Variants in DENND1A observed in about 807,000 individuals in gnomAD.
The protein encoded by DENND1A is DENN domain-containing protein 1A.
In DENND1A, 51 loss-of-function variants were observed where a neutral mutation model predicts 113.7. The ratio of observed to expected loss-of-function variants is 0.45; its 90% CI spans 0.36 to 0.57. The LOEUF (loss-of-function observed/expected upper bound fraction) is 0.57, where lower values mean the gene tolerates loss of function less well. Ranked by LOEUF, DENND1A falls within the 20% of genes least tolerant of loss-of-function variation. The pLI is 0.00. For missense variants in DENND1A, 1,258 were observed against 1,395.9 expected (o/e 0.90, Z 1.57); for synonymous variants, 565 against 570.8 (o/e 0.99, Z 0.14).
At chr9:123,671,971 G>C (rs1179011750) in intron 6 of DENND1A, among the ~76,000 whole-genome samples, 1 of 152,196 alleles carries the variant, frequency 6.6e-6, no homozygotes, top group African/African-American at 2.4e-5. Flanking sequence ...ATGCTCAAAA[G>C]AACACTGCTC....
intron 21 of DENND1A, among the ~76,000 whole-genome samples, chr9:123,394,653 G>A (rs1029145876): frequency 9.2e-5 from 14 of 152,184 alleles, no homozygotes; most frequent in Admixed American, 2.6e-4. Context: ...ATCCATACCC[G>A]TGCCCCAGCA....
chr9:123,690,530 A>C (rs1421496474), intron 5 of DENND1A, among the ~76,000 whole-genome samples: 1 of 152,258 alleles, frequency 6.6e-6, no homozygotes, highest in Non-Finnish European at 1.5e-5. Flanking sequence ...AAAAACATTT[A>C]CAATATATTT....
At chr9:123,736,517 G>A (rs573981401) in intron 5 of DENND1A, 2 of 152,104 alleles carry the variant, frequency 1.3e-5, no homozygotes, top group South Asian at 4.1e-4. Context: ...GAATAAATGA[G>A]GCCTCATATT....
At chr9:123,602,518 G>T (rs1485146434) in intron 11 of DENND1A, among the ~76,000 whole-genome samples, 1 of 152,180 alleles carries the variant, frequency 6.6e-6, no homozygotes, top group Non-Finnish European at 1.5e-5. Context: ...GAGTGTCTGA[G>T]GAACGCTCAA....
intron 5 of DENND1A, among the ~76,000 whole-genome samples, chr9:123,698,522 G>T (rs1390939753): frequency 6.6e-6 from 1 of 152,158 alleles, no homozygotes; most frequent in Non-Finnish European, 1.5e-5. Flanking sequence ...TCTCTCAGAT[G>T]GAAAAGCCAA....
intron 1 of DENND1A, among the ~76,000 whole-genome samples, chr9:123,929,412 A>C (rs1160596823): frequency 6.6e-6 from 1 of 152,174 alleles, no homozygotes; most frequent in Non-Finnish European, 1.5e-5. Flanking sequence ...TTAGGTGGCC[A>C]CACCATGAGC....
chr9:123,510,524 GGT>G (rs1293630441), intron 13 of DENND1A, among the ~76,000 whole-genome samples: 10 of 152,226 alleles, frequency 6.6e-5, no homozygotes, highest in Non-Finnish European at 1.0e-4. Context: ...AGAAGGGACT[GGT>G]GTTCCCATTC....
chr9:123,726,347 C>T (rs577525967), intron 5 of DENND1A, among the ~76,000 whole-genome samples: 6 of 152,162 alleles, frequency 3.9e-5, no homozygotes, highest in African/African-American at 9.7e-5. Context: ...TCAATAATAA[C>T]GTGTCTCACA....
At chr9:123,867,678 C>A (rs1258295311) in intron 2 of DENND1A, among the ~76,000 whole-genome samples, 4 of 152,148 alleles carry the variant, frequency 2.6e-5, no homozygotes, top group Non-Finnish European at 5.9e-5. Flanking sequence ...CTGCCCCATT[C>A]TCAGGCTATA....
intron 12 of DENND1A, among the ~76,000 whole-genome samples, chr9:123,577,334 A>G (rs1187937285): frequency 6.6e-6 from 1 of 152,042 alleles, no homozygotes; most frequent in Admixed American, 6.5e-5. Context: ...TCATTTTTAA[A>G]TATCTTCCAT....
intron 13 of DENND1A, among the ~76,000 whole-genome samples, chr9:123,459,638 G>C (rs539866420): frequency 6.6e-6 from 1 of 152,106 alleles, no homozygotes; most frequent in South Asian, 2.1e-4. Flanking sequence ...TAATTTCAGC[G>C]GTGTATTCTC....
chr9:123,623,606 T>C (rs1271154482), intron 10 of DENND1A, among the ~76,000 whole-genome samples: 1 of 152,242 alleles, frequency 6.6e-6, no homozygotes, highest in Non-Finnish European at 1.5e-5. Context: ...TGTACTAAAC[T>C]GATTTTTTCC....
chr9:123,640,371 G>A (rs1042853734), intron 9 of DENND1A, among the ~76,000 whole-genome samples: 1 of 152,200 alleles, frequency 6.6e-6, no homozygotes, highest in Non-Finnish European at 1.5e-5. Context: ...AGGCCAGTCA[G>A]GGGGTAAGGG....
chr9:123,877,444 A>T (rs1028475200), intron 2 of DENND1A, among the ~76,000 whole-genome samples: 1 of 151,366 alleles, frequency 6.6e-6, no homozygotes, highest in Non-Finnish European at 1.5e-5. Flanking sequence ...AGCCGAGATC[A>T]TGCCATTGCA....
chr9:123,652,660 C>T (rs569042991), intron 8 of DENND1A, among the ~76,000 whole-genome samples: 2 of 152,178 alleles, frequency 1.3e-5, no homozygotes, highest in African/African-American at 2.4e-5. Flanking sequence ...GCTCCTCTCC[C>T]GTCATCACTG....
intron 20 of DENND1A, among the ~76,000 whole-genome samples, chr9:123,406,682 C>T (rs1044974725): frequency 2.0e-5 from 3 of 152,214 alleles, no homozygotes; most frequent in Non-Finnish European, 4.4e-5. Context: ...GTGGGTATCC[C>T]TGCACCCCTT....
intron 1 of DENND1A, among the ~76,000 whole-genome samples, chr9:123,921,959 T>C (rs973643436): frequency 6.6e-6 from 1 of 151,820 alleles, no homozygotes; most frequent in Admixed American, 6.6e-5. Context: ...TCTCACTCTG[T>C]CACCCAGGCT....
chr9:123,609,458 C>T lies in DENND1A; in HGVS notation c.743G>A (p.Gly248Glu). ...YCCAPMPYLI[G>E]IHLSLMEKVR... ...TACCTCCATTAAACTTAAATGGATT[C>T]CTATGAGGTAGGGCATGGGAGCACT... Residue 248 changes from glycine to glutamate, a missense_variant, in exon 11 of 24, where the codon GGA (glycine) becomes GAA (glutamate). Physicochemically the swap from Gly to Glu is moderately conservative, Grantham distance 98 (BLOSUM62 -2). Coordinates refer to ENST00000394215, the MANE Select transcript of DENND1A (RefSeq NM_001352964.2). 6.2e-7 allele frequency: 1 copy of T among 1,613,554 alleles called. No individual in the cohort carries two copies. Among genetic ancestry groups the T allele is most frequent in the Non-Finnish European group, 8.5e-7 (1 of 1,179,750 alleles).
At chr9:123,652,558 C>A (rs1017526802) in intron 8 of DENND1A, among the ~76,000 whole-genome samples, 3 of 152,172 alleles carry the variant, frequency 2.0e-5, no homozygotes, top group Non-Finnish European at 4.4e-5. Context: ...CTGTGCCATA[C>A]GCCTAAGCAA....
Sources: allele counts gnomAD v4.1 joint callset (sites outside exome capture counted in the v4.1 genomes callset), GRCh38; gene constraint gnomAD v4.1.1; transcripts MANE v1.5; gene names NCBI Gene and HGNC (gene_info 2026-07-23, HGNC 2026-07-21).